Variants in ACVR2B observed in about 807,000 individuals in gnomAD.
ACVR2B encodes the protein activin receptor type-2B.
Under a neutral mutation model 65.1 loss-of-function variants are expected in ACVR2B, and 18 were observed. The ratio of observed to expected loss-of-function variants is 0.28; its 90% CI spans 0.19 to 0.41. ACVR2B has a LOEUF of 0.41. ACVR2B is among the 10% of genes least tolerant of loss of function. ACVR2B has a pLI of 1.00. For synonymous variants in ACVR2B, 298 were observed against 277.7 expected (o/e 1.07, Z -0.73); for missense variants, 482 against 682.7 (o/e 0.71, Z 3.28).
In ACVR2B at chr3:38,483,213, G is replaced by T; in HGVS notation, c.1420G>T (p.Val474Leu). 6.2e-7 allele frequency: 1 copy of T among 1,614,164 alleles called. No homozygotes were observed. Among genetic ancestry groups the T allele is most frequent in the Non-Finnish European group, 8.5e-7 (1 of 1,180,032 alleles). ...AGAGGCTCGCTTGTCCGCGGGCTGT[G>T]TGGAGGAGCGGGTGTCCCTGATTCG... ...DAEARLSAGC[V>L]EERVSLIRRS... The change falls in exon 11 of 11, where the codon GTG becomes TTG. Residue 474 changes from valine to leucine, a missense_variant. Around this residue, in one of 5 missense-constraint regions of ACVR2B, gnomAD observed 223 missense variants for 386.3 expected, o/e 0.58. Transcript: ENST00000352511. The surrounding 1 kb of genome is among the most constrained non-coding windows in gnomAD (Gnocchi z 4.8).
chr3:38,463,207 A>C (rs562040847), intron 1 of ACVR2B, among the ~76,000 whole-genome samples: 4 of 152,146 alleles, frequency 2.6e-5, no homozygotes, highest in Admixed American at 6.6e-5. Flanking sequence ...ATGGAAGTGC[A>C]TATGTATGTT....
chr3:38,482,180 TC>T lies in ACVR2B; in HGVS notation c.1075-16del. ...TGGCCAGTCACTGTAAATCCTGCCC[TC>T]CTCTGTCCTCACATAGGTAGGCACG... is the stretch of plus-strand genomic sequence containing the variant. On this transcript the variant is annotated splice_polypyrimidine_tract_variant and intron_variant, in intron 8 of 10. Coordinates refer to ENST00000352511, the MANE Select transcript of ACVR2B (RefSeq NM_001106.4). 1 of 1,613,672 alleles carries T rather than the reference TC, an allele frequency of 6.2e-7. No individual in the cohort carries two copies. Among genetic ancestry groups the T allele is most frequent in the Non-Finnish European group, 8.5e-7 (1 of 1,179,922 alleles).
Position 38,478,562 on chromosome 3 carries a change from T to C in ACVR2B, c.666+44T>C, listed in dbSNP as rs775617153. 5.0e-6 allele frequency: 8 copies of C among 1,613,222 alleles called. No homozygotes were observed. In the East Asian group the frequency reaches 1.8e-4, roughly 36 times the overall value. ...CCATCCAGGTCCTCTGCCTCCACTGTAGCTTGAACTGGAGGCTCTCCTGAC... is the reference window on the plus strand; with the variant it reads ...CCATCCAGGTCCTCTGCCTCCACTGCAGCTTGAACTGGAGGCTCTCCTGAC... On this transcript the variant is annotated intron_variant, in intron 5 of 10. Coordinates refer to ENST00000352511, the MANE Select transcript of ACVR2B (RefSeq NM_001106.4).
At chr3:38,463,319 T>C (rs1048354377) in intron 1 of ACVR2B, among the ~76,000 whole-genome samples, 8 of 152,234 alleles carry the variant, frequency 5.3e-5, no homozygotes, top group African/African-American at 1.9e-4. Flanking sequence ...GCAAGCCCAC[T>C]GCATTTGACA....
rs894743482 is a variant in ACVR2B at position 38,485,925 on chromosome 3, G to T, written c.*2593G>T. The T allele has an allele frequency of 6.6e-6, 1 of 152,456 alleles. No individual in the cohort carries two copies. Among genetic ancestry groups the T allele is most frequent in the South Asian group, 2.1e-4 (1 of 4,814 alleles). The allele number at this position is 152,456 out of a possible 1,614,324, so 9.4% of individuals were successfully genotyped here. ...GACTAACAAATGTAGCAAATTTACTGCAGGAATAGTTAGGTCATGATACTA... is the reference window on the plus strand; with the variant it reads ...GACTAACAAATGTAGCAAATTTACTTCAGGAATAGTTAGGTCATGATACTA... On this transcript the variant is annotated 3_prime_UTR_variant, in exon 11 of 11. Transcript: ENST00000352511.
chr3:38,479,104 C>G (rs541402369), intron 5 of ACVR2B, 24 bp from the exon 6 acceptor site: 3 of 1,613,740 alleles, frequency 1.9e-6, no homozygotes, highest in Middle Eastern at 1.7e-4. Flanking sequence ...ACTTGTCCCC[C>G]CAACCCCTCG....
rs1375880627 is a variant in ACVR2B, at chr3:38,483,252, G to A, written c.1459G>A (p.Gly487Ser). Reference sequence around the variant, plus strand: ...GTCCCTGATTCGGAGGTCGGTCAACGGCACTACCTCGGACTGTCTCGTTTC... The same window carrying A: ...GTCCCTGATTCGGAGGTCGGTCAACAGCACTACCTCGGACTGTCTCGTTTC... ...RVSLIRRSVN[G>S]TTSDCLVSLV... is the part of the protein sequence containing the mutation. The change falls in exon 11 of 11, where the codon GGC (glycine) becomes AGC (serine). Residue 487 changes from glycine (G) to serine (S), a missense_variant. By Grantham distance (56) the Gly-to-Ser change is moderately conservative (BLOSUM62 0). Transcript: ENST00000352511. The surrounding 1 kb of genome is among the most constrained non-coding windows in gnomAD (Gnocchi z 4.8). The A allele has an allele frequency of 1.9e-6, 3 of 1,614,022 alleles. No homozygotes were observed. Among genetic ancestry groups the A allele is most frequent in the Admixed American group, 3.3e-5 (2 of 60,002 alleles).
intron 1 of ACVR2B, among the ~76,000 whole-genome samples, chr3:38,455,810 G>GCTT (rs1003208913): frequency 1.2e-4 from 18 of 152,172 alleles, no homozygotes; most frequent in African/African-American, 4.3e-4. Context: ...CCCCAAGAAG[G>GCTT]AGTGCTCGAA....
At chr3:38,482,138 T>A in intron 8 of ACVR2B, 60 bp from the exon 9 acceptor site, 1 of 1,612,552 alleles carries the variant, frequency 6.2e-7, no homozygotes, top group Non-Finnish European at 8.5e-7. Context: ...AACTCCCATG[T>A]CCCAGCTGTG....
In ACVR2B at chr3:38,454,285, C is replaced by T. The variant is rs926417756; in HGVS notation, c.-38C>T. 8 of 1,241,928 alleles carry T rather than the reference C, an allele frequency of 6.4e-6. No individual in the cohort carries two copies. Among genetic ancestry groups the T allele is most frequent in the African/African-American group, 1.6e-5 (1 of 63,178 alleles). The allele number at this position is 1,241,928 out of a possible 1,614,324, so 76.9% of individuals were successfully genotyped here. A position where few individuals can be genotyped will look rare whatever the true frequency, so the allele number is the denominator to read the frequency against. ...CCCGGGAGCGCCGTGCGGCCCTGCC[C>T]GCGGGCTCCGGGTGTGCGCGGGGCG... On this transcript the variant is annotated 5_prime_UTR_variant, in exon 1 of 11. Coordinates refer to ENST00000352511, the MANE Select transcript of ACVR2B (RefSeq NM_001106.4).
At chr3:38,467,115 A>G (rs1709743442) in intron 1 of ACVR2B, among the ~76,000 whole-genome samples, 3 of 152,316 alleles carry the variant, frequency 2.0e-5, no homozygotes, top group Admixed American at 2.0e-4. Flanking sequence ...TATCATCTCT[A>G]GGGTAACCAA....
chr3:38,479,100 C>T (rs762748057), intron 5 of ACVR2B, 28 bp from the exon 6 acceptor site: 3 of 1,613,406 alleles, frequency 1.9e-6, no homozygotes, highest in East Asian at 2.2e-5. Context: ...AGCCACTTGT[C>T]CCCCCAACCC....
intron 1 of ACVR2B, among the ~76,000 whole-genome samples, chr3:38,464,064 G>A (rs929450090): frequency 6.6e-6 from 1 of 152,066 alleles, no homozygotes; most frequent in Non-Finnish European, 1.5e-5. Context: ...TATATTAATG[G>A]CAAAACCTGC....
intron 1 of ACVR2B, among the ~76,000 whole-genome samples, chr3:38,473,082 G>A (rs1157582343): frequency 6.6e-6 from 1 of 152,176 alleles, no homozygotes; most frequent in Non-Finnish European, 1.5e-5. Flanking sequence ...TGTGGGAGTG[G>A]TCCTGCCAGG....
At position 38,481,085 on chromosome 3, in the gene ACVR2B, T is replaced by C. The variant is rs1710009382; in HGVS notation, c.960-266T>C. On this transcript the variant is annotated intron_variant, in intron 7 of 10. Coordinates refer to ENST00000352511, the MANE Select transcript of ACVR2B (RefSeq NM_001106.4). This position sits in a 1 kb window ranked among gnomAD's most constrained non-coding sequence, Gnocchi z 4.7. ...GGCTGGCCTTTGATAGTGTGGGGAC[T>C]GGGACAGGGTCTGCCCAGCCATTAG... is the stretch of plus-strand genomic sequence containing the variant. Among the ~76,000 whole-genome samples the C allele has an allele frequency of 6.6e-6, 1 of 152,226 alleles. No individual in the cohort carries two copies. The highest frequency in any genetic ancestry group is 1.5e-5 in the Non-Finnish European group (1 of 68,030).
Position 38,481,536 on chromosome 3 carries a change from C to A in ACVR2B, c.1074+71C>A. On this transcript the variant is annotated intron_variant, in intron 8 of 10. Coordinates refer to ENST00000352511, the MANE Select transcript of ACVR2B (RefSeq NM_001106.4). The surrounding 1 kb of genome is among the most constrained non-coding windows in gnomAD (Gnocchi z 4.7). ...GATACTTTGCCCTTTTTGTGCTCAG[C>A]TGGGGAGGTGCAGGGATGAGGGTGA... 7.8e-7 allele frequency: 1 copy of A among 1,275,834 alleles called. No homozygotes were observed. The highest frequency in any genetic ancestry group is 1.1e-6 in the Non-Finnish European group (1 of 874,688). 79.0% of individuals were successfully genotyped at this position (1,275,834 alleles called of 1,614,324 possible).
At position 38,477,771 on chromosome 3, in the gene ACVR2B, C is replaced by T. The variant is rs1052063663; in HGVS notation, c.261-90C>T. ...TCCCCCTGGTGTTGCCCATGAGGTG[C>T]TCTGTCTGTGAGGAGGGGTTGGCAG... On this transcript the variant is annotated intron_variant, in intron 2 of 10. Transcript: ENST00000352511. This position sits in a 1 kb window ranked among gnomAD's most constrained non-coding sequence, Gnocchi z 6.7. The T allele has an allele frequency of 3.0e-5, 40 of 1,336,048 alleles. No individual in the cohort carries two copies. In the African/African-American group the frequency reaches 5.2e-4, roughly 17 times the overall value. 82.8% of individuals were successfully genotyped at this position (1,336,048 alleles called of 1,614,324 possible). A position where few individuals can be genotyped will look rare whatever the true frequency, so the allele number is the denominator to read the frequency against.
Position 38,478,148 on chromosome 3 carries a change from C to T in ACVR2B, c.378C>T (p.Tyr126=), listed in dbSNP as rs371982096. ...GCTCTGTGTGTCCCCCAGTCACGTA[C>T]GAGCCACCCCCGACAGCCCCCACCC... ...LPEAGGPEVT[Y]EPPPTAPTLL... The change falls in exon 4 of 11, where the codon TAC becomes TAT. Residue 126 remains tyrosine, a synonymous_variant. Coordinates refer to ENST00000352511, the MANE Select transcript of ACVR2B (RefSeq NM_001106.4). The T allele has an allele frequency of 5.8e-5, 94 of 1,611,678 alleles. No individual in the cohort carries two copies. Among genetic ancestry groups the T allele is most frequent in the East Asian group, 5.1e-4 (23 of 44,882 alleles).
At chr3:38,457,650 G>C (rs751602169) in intron 1 of ACVR2B, among the ~76,000 whole-genome samples, 1 of 152,214 alleles carries the variant, frequency 6.6e-6, no homozygotes, top group Non-Finnish European at 1.5e-5. Flanking sequence ...TTGGGGTTCA[G>C]ATCAAAGGGC....
Sources: gnomAD v4.1 joint callset for allele counts (sites outside exome capture counted in the v4.1 genomes callset) on GRCh38, gnomAD v4.1.1 for gene constraint, gnomAD v4.1.1 regional missense constraint, Gnocchi (gnomAD v3.1) non-coding constraint, MANE v1.5 for transcripts, NCBI Gene and HGNC (gene_info 2026-07-23, HGNC 2026-07-21) for gene names.